Variants in SLC24A2 observed in about 807,000 individuals in gnomAD.
The protein encoded by SLC24A2 is sodium/potassium/calcium exchanger 2.
In SLC24A2, 36 loss-of-function variants were observed where a neutral mutation model predicts 62.0. The ratio of observed to expected loss-of-function variants is 0.58; its 90% CI spans 0.44 to 0.77. The LOEUF (loss-of-function observed/expected upper bound fraction) is 0.77, where lower values mean the gene tolerates loss of function less well. Among genes scored for constraint, SLC24A2 ranks in the 30% least tolerant of loss-of-function variants. SLC24A2 has a pLI of 0.00. For synonymous variants in SLC24A2, 358 were observed against 294.0 expected (o/e 1.22, Z -2.23); for missense variants, 846 against 817.9 (o/e 1.03, Z -0.42).
chr9:20,268,041 C>G, the SLC24A2 span, among the ~76,000 whole-genome samples: 1 of 152,150 alleles, frequency 6.6e-6, no homozygotes, highest in African/African-American at 2.4e-5. Context: ...ACGTTATCTG[C>G]TATTTAGCTC....
the SLC24A2 span, among the ~76,000 whole-genome samples, chr9:20,064,947 G>A: frequency 6.6e-6 from 1 of 152,194 alleles, no homozygotes; most frequent in Non-Finnish European, 1.5e-5. Context: ...TAGAGGAGAA[G>A]AGGAGGGACA....
the SLC24A2 span, among the ~76,000 whole-genome samples, chr9:20,127,661 C>T: frequency 4.6e-5 from 7 of 152,016 alleles, no homozygotes; most frequent in Non-Finnish European, 8.8e-5. Context: ...GTCATTGTTC[C>T]AGTTAGGGTT....
Position 19,780,262 on chromosome 9 carries a change from GCTTTTT to G in SLC24A2, c.930+5669_930+5674del, listed in dbSNP as rs1822973129. ...TAAGTTAAATACACAGGTTAAAATTGCTTTTTCTTTTTCTTTTTTTTTTGAGATGGA... is the reference window on the plus strand; with the variant it reads ...TAAGTTAAATACACAGGTTAAAATTGCTTTTTCTTTTTTTTTTGAGATGGA... On this transcript the variant is annotated intron_variant, in intron 2 of 10. Coordinates refer to ENST00000341998, the MANE Select transcript of SLC24A2 (RefSeq NM_020344.4). Among the ~76,000 whole-genome samples, 5 of 140,014 alleles carry G rather than the reference GCTTTTT, an allele frequency of 3.6e-5. No homozygotes were observed. The Admixed American group carries it at 3.8e-4, about 11-fold the overall frequency. The allele number at this position is 140,014 out of a possible 152,430, so 91.9% of individuals were successfully genotyped here.
the SLC24A2 span, among the ~76,000 whole-genome samples, chr9:20,255,102 A>G: frequency 1.3e-5 from 2 of 152,170 alleles, no homozygotes; most frequent in African/African-American, 2.4e-5. Context: ...CCATATCATG[A>G]GTTGTTATTC....
the SLC24A2 span, among the ~76,000 whole-genome samples, chr9:20,211,752 G>A: frequency 2.0e-5 from 3 of 151,980 alleles, no homozygotes; most frequent in Non-Finnish European, 4.4e-5. Context: ...AATTGTTAAC[G>A]AGGAAAGGGA....
chr9:19,939,972 C>G, the SLC24A2 span, among the ~76,000 whole-genome samples: 1 of 152,254 alleles, frequency 6.6e-6, no homozygotes, highest in Non-Finnish European at 1.5e-5. Context: ...TTCTCCACCC[C>G]AGGCTTTAAC....
chr9:19,566,120 C>A (rs1187758568), intron 7 of SLC24A2, among the ~76,000 whole-genome samples: 2 of 152,026 alleles, frequency 1.3e-5, no homozygotes, highest in East Asian at 3.9e-4. Context: ...CAAATGGAAT[C>A]GAATTAAACT....
intron 9 of SLC24A2, among the ~76,000 whole-genome samples, chr9:19,526,868 T>C (rs1833469130): frequency 6.6e-6 from 1 of 152,182 alleles, no homozygotes; most frequent in African/African-American, 2.4e-5. Context: ...TAATCAATTT[T>C]CTTGCTTTCA....
At chr9:19,555,815 G>A (rs1172116075) in intron 7 of SLC24A2, among the ~76,000 whole-genome samples, 2 of 152,076 alleles carry the variant, frequency 1.3e-5, no homozygotes, top group Non-Finnish European at 1.5e-5. Context: ...TGTGATGACA[G>A]GTGCCTGTAA....
the SLC24A2 span, among the ~76,000 whole-genome samples, chr9:20,225,562 A>ATATATATATAATATATATAT: frequency 4.2e-5 from 3 of 71,834 alleles, no homozygotes; most frequent in East Asian, 1.1e-3. Flanking sequence ...TATATATATT[A>ATATATATATAATATATATAT]TATATATATA....
At chr9:20,099,598 A>T in the SLC24A2 span, among the ~76,000 whole-genome samples, 1 of 152,134 alleles carries the variant, frequency 6.6e-6, no homozygotes, top group Non-Finnish European at 1.5e-5. Context: ...CTTGTATTAA[A>T]GGCCAGGCTC....
chr9:20,146,961 C>G, the SLC24A2 span, among the ~76,000 whole-genome samples: 1 of 152,230 alleles, frequency 6.6e-6, no homozygotes, highest in South Asian at 2.1e-4. Context: ...ACTCCACTGT[C>G]TCCACTCTTG....
At chr9:19,773,240 T>C (rs1013695445) in intron 2 of SLC24A2, among the ~76,000 whole-genome samples, 7 of 152,208 alleles carry the variant, frequency 4.6e-5, no homozygotes, top group Non-Finnish European at 8.8e-5. Context: ...ATAGTGATGA[T>C]GGTTGTGTGA....
At chr9:20,298,480 C>T in the SLC24A2 span, among the ~76,000 whole-genome samples, 8 of 152,188 alleles carry the variant, frequency 5.3e-5, no homozygotes, top group East Asian at 1.9e-4. Context: ...CGGCCTGCCT[C>T]GGCCTCCCAA....
At chr9:19,820,023 A>G in the SLC24A2 span, among the ~76,000 whole-genome samples, 1 of 57,590 alleles carries the variant, frequency 1.7e-5, no homozygotes, top group Non-Finnish European at 4.7e-5. Context: ...ATATATATAT[A>G]TACACATATA....
the SLC24A2 span, among the ~76,000 whole-genome samples, chr9:19,941,756 A>T: frequency 6.6e-6 from 1 of 152,196 alleles, no homozygotes; most frequent in African/African-American, 2.4e-5. Flanking sequence ...AGATATTGTA[A>T]ATAACACGAT....
the SLC24A2 span, among the ~76,000 whole-genome samples, chr9:19,837,655 A>G: frequency 6.6e-6 from 1 of 152,038 alleles, no homozygotes; most frequent in South Asian, 2.1e-4. Flanking sequence ...ACATAATTGT[A>G]TATCTAGAAA....
chr9:19,879,119 C>G, the SLC24A2 span, among the ~76,000 whole-genome samples: 1 of 151,956 alleles, frequency 6.6e-6, no homozygotes, highest in Non-Finnish European at 1.5e-5. Context: ...GAATGCATCC[C>G]CTCCCACCTC....
At chr9:19,726,236 T>C (rs1053527013) in intron 2 of SLC24A2, among the ~76,000 whole-genome samples, 1 of 152,122 alleles carries the variant, frequency 6.6e-6, no homozygotes, top group Admixed American at 6.6e-5. Flanking sequence ...TTTCTCTCAA[T>C]AGGTAGTCTT....
Sources: gnomAD v4.1 joint callset for allele counts (sites outside exome capture counted in the v4.1 genomes callset) on GRCh38, gnomAD v4.1.1 for gene constraint, MANE v1.5 for transcripts, NCBI Gene and HGNC (gene_info 2026-07-23, HGNC 2026-07-21) for gene names.